SPIDR: variants seen among roughly 807,000 people sequenced by gnomAD.
SPIDR encodes DNA repair-scaffolding protein.
A neutral mutation model predicts 104.6 loss-of-function variants in SPIDR; 93 were observed. The observed-to-expected ratio is 0.89, with a 90% CI of 0.75 to 1.06. The LOEUF (loss-of-function observed/expected upper bound fraction) is 1.06, where lower values mean the gene tolerates loss of function less well. SPIDR is among the 50% of genes least tolerant of loss of function. The probability of loss-of-function intolerance (pLI) is 0.00; values close to 1 mark genes in which losing one functional copy is unlikely to be tolerated. For synonymous variants in SPIDR, 431 were observed against 416.9 expected, an observed-to-expected ratio of 1.03 and a Z score of -0.41; for missense variants, 1,154 against 1,111.2, an observed-to-expected ratio of 1.04 and a Z score of -0.55.
At chr8:47,600,463 C>T (rs2062133970) in intron 10 of SPIDR, among the ~76,000 whole-genome samples, 1 of 152,176 alleles carries the variant, frequency 6.6e-6, no homozygotes, top group South Asian at 2.1e-4. Context: ...CAAGTGGAGG[C>T]ACTTTATTTG....
chr8:47,329,533 A>G (rs1188902382), intron 5 of SPIDR, among the ~76,000 whole-genome samples: 2 of 152,118 alleles, frequency 1.3e-5, no homozygotes, highest in East Asian at 1.9e-4. Context: ...GTGAGATTTC[A>G]TGGGTTGCTT....
intron 11 of SPIDR, among the ~76,000 whole-genome samples, chr8:47,675,393 T>C (rs1485416433): frequency 6.6e-6 from 1 of 152,254 alleles, no homozygotes; most frequent in African/African-American, 2.4e-5. Context: ...TATATTATAA[T>C]TTAATTGCAT....
In SPIDR at chr8:47,511,230, A is replaced by C. The variant is rs547092112; in HGVS notation, c.1097+70688A>C. On this transcript the variant is annotated intron_variant, in intron 8 of 19. Coordinates refer to ENST00000297423, the MANE Select transcript of SPIDR (RefSeq NM_001080394.4). Reference sequence around the variant, plus strand: ...GGTTAAATTTCTGCACCAGCCTCCCACCGTCTGCAAGCCGAATTTGGATGT... The same window carrying C: ...GGTTAAATTTCTGCACCAGCCTCCCCCCGTCTGCAAGCCGAATTTGGATGT... 7.5e-6 allele frequency: 12 copies of C among 1,589,916 alleles called. No homozygotes were observed. In the South Asian group the frequency reaches 1.2e-4, roughly 16 times the overall value.
chr8:47,289,725 A>G (rs1314123360), intron 3 of SPIDR, among the ~76,000 whole-genome samples: 2 of 152,206 alleles, frequency 1.3e-5, no homozygotes, highest in Admixed American at 1.3e-4. Flanking sequence ...CTAAACATGC[A>G]ATTACCATAT....
intron 8 of SPIDR, among the ~76,000 whole-genome samples, chr8:47,440,772 C>A (rs989079864): frequency 5.3e-5 from 8 of 152,174 alleles, no homozygotes; most frequent in Non-Finnish European, 1.0e-4. Flanking sequence ...GTTGAGGAAA[C>A]AACCATATTA....
At chr8:47,413,805 G>T (rs2063853763) in intron 7 of SPIDR, among the ~76,000 whole-genome samples, 1 of 152,050 alleles carries the variant, frequency 6.6e-6, no homozygotes, top group Non-Finnish European at 1.5e-5. Flanking sequence ...AGAAGAGTTT[G>T]CTTTCCTTAT....
chr8:47,719,482 C>A (rs1284398705), intron 16 of SPIDR, among the ~76,000 whole-genome samples: 1 of 151,926 alleles, frequency 6.6e-6, no homozygotes, highest in Non-Finnish European at 1.5e-5. Context: ...GCACTCCAGC[C>A]TGGGCGACAG....
At chr8:47,702,097 T>TCACA (rs1491441369) in intron 14 of SPIDR, 82 bp downstream of exon 14, 12 of 63,290 alleles carry the variant, frequency 1.9e-4, no homozygotes, top group African/African-American at 6.5e-4. Flanking sequence ...TCTCTCTCTC[T>TCACA]TACACACACA....
intron 10 of SPIDR, among the ~76,000 whole-genome samples, chr8:47,627,765 C>T (rs940139735): frequency 3.9e-5 from 6 of 152,092 alleles, no homozygotes; most frequent in African/African-American, 1.4e-4. Flanking sequence ...TTTAGAGAAC[C>T]AGACCCGCCG....
intron 10 of SPIDR, among the ~76,000 whole-genome samples, chr8:47,671,246 C>T (rs1490566014): frequency 7.9e-5 from 12 of 152,150 alleles, no homozygotes; most frequent in Non-Finnish European, 1.3e-4. Flanking sequence ...TCAGTAAATA[C>T]GTCAGGTTCT....
intron 5 of SPIDR, among the ~76,000 whole-genome samples, chr8:47,312,543 C>G (rs587646931): frequency 2.2e-4 from 33 of 152,242 alleles, no homozygotes; most frequent in African/African-American, 7.0e-4. Flanking sequence ...TGTTCATATC[C>G]TTCACCCACT....
At chr8:47,605,416 C>T (rs903289602) in intron 10 of SPIDR, among the ~76,000 whole-genome samples, 2 of 152,166 alleles carry the variant, frequency 1.3e-5, no homozygotes, top group African/African-American at 4.8e-5. Context: ...AGAGGAGAAG[C>T]AAGCTTGGAT....
At chr8:47,461,162 A>G (rs1439533664) in intron 8 of SPIDR, among the ~76,000 whole-genome samples, 2 of 152,136 alleles carry the variant, frequency 1.3e-5, no homozygotes, top group Non-Finnish European at 2.9e-5. Flanking sequence ...AATTTCCCAG[A>G]TGTTCGTTCT....
intron 7 of SPIDR, among the ~76,000 whole-genome samples, chr8:47,438,715 G>A (rs2068823361): frequency 6.7e-6 from 1 of 149,388 alleles, no homozygotes; most frequent in South Asian, 2.1e-4. Context: ...AGAAATAGTT[G>A]TCCAAGACAG....
intron 5 of SPIDR, among the ~76,000 whole-genome samples, chr8:47,349,185 G>C (rs574922629): frequency 2.5e-4 from 38 of 152,054 alleles, no homozygotes; most frequent in Admixed American, 6.5e-5. Flanking sequence ...TCTCTTTGTT[G>C]GTTTTCCTTC....
At chr8:47,409,404 T>C (rs1438694032) in intron 7 of SPIDR, among the ~76,000 whole-genome samples, 1 of 152,122 alleles carries the variant, frequency 6.6e-6, no homozygotes, top group Non-Finnish European at 1.5e-5. Context: ...TAGAAAAGCC[T>C]CCTCTCCTCC....
At chr8:47,601,686 C>T (rs955433897) in intron 10 of SPIDR, among the ~76,000 whole-genome samples, 5 of 151,884 alleles carry the variant, frequency 3.3e-5, no homozygotes, top group African/African-American at 1.2e-4. Context: ...ATGAGACTTC[C>T]GTCTCAAAAA....
At chr8:47,308,543 G>T (rs1013681365) in intron 5 of SPIDR, among the ~76,000 whole-genome samples, 9 of 149,786 alleles carry the variant, frequency 6.0e-5, no homozygotes, top group Admixed American at 3.4e-4. Context: ...ATATACAGTT[G>T]CTTTCAAATG....
At chr8:47,452,189 G>A (rs368199932) in intron 8 of SPIDR, among the ~76,000 whole-genome samples, 19 of 152,188 alleles carry the variant, frequency 1.2e-4, no homozygotes, top group Non-Finnish European at 2.2e-4. Context: ...AACTTGCTAC[G>A]TATAAGGGAT....
Sources: allele counts gnomAD v4.1 joint callset (sites outside exome capture counted in the v4.1 genomes callset), GRCh38; gene constraint gnomAD v4.1.1; transcripts MANE v1.5; gene names NCBI Gene and HGNC (gene_info 2026-07-23, HGNC 2026-07-21).